The following CFAP57 variants were observed in gnomAD, a reference collection of about 807,000 sequenced individuals.
The protein encoded by CFAP57 is cilia and flagella associated protein 57, also known as cilia- and flagella-associated protein 57.
CFAP57 carries 116 observed loss-of-function variants against 146.8 expected under a neutral mutation model. The ratio of observed to expected loss-of-function variants is 0.79; its 90% confidence interval spans 0.68 to 0.92. The LOEUF is 0.92. Among genes scored for constraint, CFAP57 ranks in the 40% least tolerant of loss-of-function variants. The pLI is 0.00. For missense variants in CFAP57, 1,377 were observed against 1,527.2 expected (o/e 0.90, Z 1.64); for synonymous variants, 518 against 552.8 (o/e 0.94, Z 0.88).
In CFAP57 at chr1:43,226,975, A is replaced by T. The variant is rs935289836; in HGVS notation, c.2866-8A>T. On this transcript the variant is annotated splice_region_variant and splice_polypyrimidine_tract_variant and intron_variant, in intron 17 of 22. Transcript: ENST00000372492. Reference sequence around the variant, plus strand: ...ATATCTCTCACTTCTCTCTCATCTCACCCCCAGGAGAAGCGAATTTATGAT... The same window carrying T: ...ATATCTCTCACTTCTCTCTCATCTCTCCCCCAGGAGAAGCGAATTTATGAT... 8 of 1,498,768 alleles carry T rather than the reference A, an allele frequency of 5.3e-6. No individual in the cohort carries two copies. The highest frequency in any genetic ancestry group is 7.1e-6 in the Non-Finnish European group (8 of 1,124,474). The allele number at this position is 1,498,768 out of a possible 1,614,324, so 92.8% of individuals were successfully genotyped here.
intron 2 of CFAP57, among the ~76,000 whole-genome samples, chr1:43,178,455 C>A (rs1645254865): frequency 6.6e-6 from 1 of 151,986 alleles, no homozygotes; most frequent in African/African-American, 2.4e-5. Context: ...AAAAACAACC[C>A]CATCAAAAAG....
intron 6 of CFAP57, 31 bp from the exon 7 acceptor site, chr1:43,197,522 T>C (rs760475772): frequency 4.3e-6 from 7 of 1,614,172 alleles, no homozygotes; most frequent in Non-Finnish European, 5.9e-6. Flanking sequence ...TTGCTTACTC[T>C]GCGGGATCTT....
At chr1:43,198,892 C>T (rs1047155157) in intron 8 of CFAP57, among the ~76,000 whole-genome samples, 4 of 152,142 alleles carry the variant, frequency 2.6e-5, no homozygotes, top group Admixed American at 6.5e-5. Flanking sequence ...GTGAGATCCC[C>T]GCTATGATAA....
intron 13 of CFAP57, 63 bp from the exon 14 acceptor site, chr1:43,221,309 G>C (rs1645035495): frequency 4.8e-6 from 6 of 1,252,888 alleles, no homozygotes; most frequent in African/African-American, 1.5e-5. Flanking sequence ...TGTAAAATCA[G>C]TTCTTGCCCT....
chr1:43,228,776 C>G (rs1645354993), intron 18 of CFAP57, among the ~76,000 whole-genome samples: 1 of 149,072 alleles, frequency 6.7e-6, no homozygotes, highest in South Asian at 2.2e-4. Context: ...TAATTTATGG[C>G]CAACAGAAAT....
At chr1:43,221,338 T>C (rs1645036400) in intron 13 of CFAP57, 34 bp from the exon 14 acceptor site, 2 of 1,467,114 alleles carry the variant, frequency 1.4e-6, no homozygotes, top group Admixed American at 2.2e-5. Flanking sequence ...TTTCAGCAGA[T>C]GTGTGTAAAT....
At chr1:43,220,730 C>G (rs555888294) in intron 13 of CFAP57, among the ~76,000 whole-genome samples, 7 of 151,842 alleles carry the variant, frequency 4.6e-5, no homozygotes, top group Admixed American at 2.6e-4. Context: ...TCCCTCACCC[C>G]CTAAAGAAAT....
chr1:43,186,528 G>A (rs184130893), intron 5 of CFAP57, among the ~76,000 whole-genome samples, 179 bp from the exon 6 acceptor site: 4 of 149,778 alleles, frequency 2.7e-5, no homozygotes, highest in Non-Finnish European at 4.4e-5. Context: ...GGAGAATGGC[G>A]TGAACCCGGG....
At chr1:43,240,887 TGCAGTG>T (rs1361593282) in intron 21 of CFAP57, among the ~76,000 whole-genome samples, 1 of 152,072 alleles carries the variant, frequency 6.6e-6, no homozygotes, top group African/African-American at 2.4e-5. Flanking sequence ...CAGGCTGGAG[TGCAGTG>T]GCACGATCTC....
chr1:43,210,387 G>T, intron 11 of CFAP57: 1 of 1,253,308 alleles, frequency 8.0e-7, no homozygotes, highest in Non-Finnish European at 1.0e-6. Context: ...TCATAAAGTA[G>T]TATCTATGTT....
intron 5 of CFAP57, among the ~76,000 whole-genome samples, chr1:43,185,930 A>C (rs1398350311): frequency 6.6e-6 from 1 of 151,876 alleles, no homozygotes; most frequent in Non-Finnish European, 1.5e-5. Context: ...AAAAAGAAAA[A>C]AAAATACAAA....
chr1:43,231,248 T>C (rs1645453743), intron 18 of CFAP57, among the ~76,000 whole-genome samples: 1 of 152,126 alleles, frequency 6.6e-6, no homozygotes, highest in South Asian at 2.1e-4. Flanking sequence ...ATGGATGTGT[T>C]CATTAGGGCC....
At chr1:43,242,781 G>T (rs1266591430) in intron 21 of CFAP57, among the ~76,000 whole-genome samples, 1 of 151,884 alleles carries the variant, frequency 6.6e-6, no homozygotes, top group African/African-American at 2.4e-5. Context: ...ACCTCTCTGT[G>T]CCTCACTTTT....
Position 43,224,206 on chromosome 1 carries a change from T to C in CFAP57, c.2865+2T>C. The C allele has an allele frequency of 6.5e-7, 1 of 1,532,002 alleles. No individual in the cohort carries two copies. The highest frequency in any genetic ancestry group is 8.8e-7 in the Non-Finnish European group (1 of 1,136,828). 94.9% of individuals were successfully genotyped at this position (1,532,002 alleles called of 1,614,324 possible). A position where few individuals can be genotyped will look rare whatever the true frequency, so the allele number is the denominator to read the frequency against. ...AGAGACGAGACTATTCAAGACAAGG[T>C]GCAGCTCTCCTTCTGTCCTCCCTCA... On this transcript the variant is annotated splice_donor_variant, in intron 17 of 22. Coordinates refer to ENST00000372492, the MANE Select transcript of CFAP57 (RefSeq NM_001378189.1). LOFTEE classifies it high-confidence loss of function.
At chr1:43,189,209 T>C (rs1643344881) in intron 6 of CFAP57, among the ~76,000 whole-genome samples, 1 of 152,208 alleles carries the variant, frequency 6.6e-6, no homozygotes, top group Non-Finnish European at 1.5e-5. Context: ...TTTATCAAGA[T>C]TGTTTTGGGT....
chr1:43,179,123 C>T (rs937461405), intron 2 of CFAP57, among the ~76,000 whole-genome samples: 8 of 150,952 alleles, frequency 5.3e-5, no homozygotes, highest in South Asian at 4.3e-4. Flanking sequence ...CATCACACAC[C>T]GGGGCCTGTT....
chr1:43,240,347 G>A (rs1570324713), intron 21 of CFAP57, among the ~76,000 whole-genome samples: 1 of 152,180 alleles, frequency 6.6e-6, no homozygotes, highest in Non-Finnish European at 1.5e-5. Context: ...TGTGCCATGG[G>A]ACTGTTTTCC....
intron 2 of CFAP57, among the ~76,000 whole-genome samples, chr1:43,179,772 C>T (rs1341351420): frequency 1.3e-5 from 2 of 152,192 alleles, no homozygotes; most frequent in East Asian, 3.8e-4. Context: ...GTACCTCACA[C>T]ACAATATATC....
At chr1:43,234,239 A>T in intron 19 of CFAP57, 40 bp from the exon 20 acceptor site, 1 of 1,486,332 alleles carries the variant, frequency 6.7e-7, no homozygotes, top group East Asian at 2.5e-5. Flanking sequence ...CTCCACCGAG[A>T]GCACCCTACA....
Sources: allele counts gnomAD v4.1 joint callset (sites outside exome capture counted in the v4.1 genomes callset), GRCh38; gene constraint gnomAD v4.1.1; transcripts MANE v1.5; gene names NCBI Gene and HGNC (gene_info 2026-07-23, HGNC 2026-07-21).